STAU1: variants seen among roughly 807,000 people sequenced by gnomAD.
STAU1 encodes staufen double-stranded RNA binding protein 1.
STAU1 carries 13 observed loss-of-function variants against 62.9 expected under a neutral mutation model. The ratio of observed to expected loss-of-function variants is 0.21; its 90% CI spans 0.13 to 0.33. The LOEUF (loss-of-function observed/expected upper bound fraction) is 0.33. STAU1 is among the 10% of genes least tolerant of loss of function. The pLI is 1.00. For synonymous variants in STAU1, 269 were observed against 265.1 expected (o/e 1.01, Z -0.14); for missense variants, 571 against 712.1 (o/e 0.80, Z 2.25).
rs115262816 is a variant in STAU1 at position 49,137,205 on chromosome 20, C to T, written c.511-1274G>A. Among the ~76,000 whole-genome samples the T allele has an allele frequency of 5.7e-3, 862 of 152,166 alleles. 8 individuals are homozygous for T. The highest frequency in any genetic ancestry group is 0.019 in the African/African-American group (772 of 41,510). On this transcript the variant is annotated intron_variant, in intron 5 of 13. Transcript: ENST00000371856. Reference sequence around the variant, plus strand: ...AAAAATAAAGAAATAAATAAGGATGCGATGAAACACATTACAAAACTGCCA... The same window carrying T: ...AAAAATAAAGAAATAAATAAGGATGTGATGAAACACATTACAAAACTGCCA...
intron 3 of STAU1, among the ~76,000 whole-genome samples, chr20:49,162,865 A>G (rs1325453262): frequency 2.0e-5 from 3 of 151,888 alleles, no homozygotes; most frequent in Non-Finnish European, 4.4e-5. Context: ...AGGGGATGAA[A>G]AGACTTTGTT....
At chr20:49,134,845 C>A (rs747307120) in intron 6 of STAU1, 11 of 1,551,026 alleles carry the variant, frequency 7.1e-6, no homozygotes, top group African/African-American at 1.4e-5. Context: ...AACCTGCAAA[C>A]AAACAGGAAG....
chr20:49,135,913 C>G lies in STAU1; in HGVS notation c.529G>C (p.Glu177Gln). 6.2e-7 allele frequency: 1 copy of G among 1,613,492 alleles called. No individual in the cohort carries two copies. Among genetic ancestry groups the G allele is most frequent in the East Asian group, 2.2e-5 (1 of 44,866 alleles). ...ERLEVNGRES[E>Q]EENLNKSEIS... Reference sequence around the variant, plus strand: ...TCAGATTTATTGAGATTTTCTTCTTCGGATTCTCTTCCATTCACCTGTAAG... The same window carrying G: ...TCAGATTTATTGAGATTTTCTTCTTGGGATTCTCTTCCATTCACCTGTAAG... Residue 177 changes from glutamate (E) to glutamine (Q), a missense_variant, in exon 6 of 14, where the codon GAA becomes CAA. Coordinates refer to ENST00000371856, the MANE Select transcript of STAU1 (RefSeq NM_017453.4).
chr20:49,117,193 T>C lies in STAU1; in HGVS notation c.1565A>G (p.Asn522Ser), dbSNP rs1362899312. Residue 522 changes from asparagine (N) to serine (S), a missense_variant, in exon 12 of 14, where the codon AAT (asparagine) becomes AGT (serine). By Grantham distance (46) the Asn-to-Ser change is conservative. Transcript: ENST00000371856. The surrounding 1 kb of genome is among the most constrained non-coding windows in gnomAD (Gnocchi z 4.6). ...NNKNEFVSLI[N>S]CSSQPPLISH... ...GATCAGAGGTGGCTGAGAGGAGCAA[T>C]TGATAAGAGATACAAATTCGTTCTT... 5.6e-6 allele frequency: 9 copies of C among 1,614,130 alleles called. No homozygotes were observed. Among genetic ancestry groups the C allele is most frequent in the East Asian group, 4.5e-5 (2 of 44,876 alleles).
At chr20:49,183,979 G>A (rs1361032506) in intron 1 of STAU1, among the ~76,000 whole-genome samples, 1 of 151,086 alleles carries the variant, frequency 6.6e-6, no homozygotes, top group African/African-American at 2.4e-5. Flanking sequence ...GCCCCGGCTG[G>A]AGTGCAATGG....
chr20:49,117,384 C>T lies in STAU1; in HGVS notation c.1510-136G>A. 2 of 1,093,050 alleles carry T rather than the reference C, an allele frequency of 1.8e-6. No individual in the cohort carries two copies. The highest frequency in any genetic ancestry group is 2.6e-6 in the Non-Finnish European group (2 of 756,622). The allele number at this position is 1,093,050 out of a possible 1,614,324, so 67.7% of individuals were successfully genotyped here. A position where few individuals can be genotyped will look rare whatever the true frequency, so the allele number is the denominator to read the frequency against. ...CAGCCCCACTGTGGCCATACTAACA[C>T]CTGCCCTGTCAGCCCAGAACCTTCC... On this transcript the variant is annotated intron_variant, in intron 11 of 13. Transcript: ENST00000371856. This position sits in a 1 kb window ranked among gnomAD's most constrained non-coding sequence, Gnocchi z 4.6.
the STAU1 span, among the ~76,000 whole-genome samples, chr20:49,207,375 G>T: frequency 1.3e-5 from 2 of 152,204 alleles, no homozygotes; most frequent in African/African-American, 4.8e-5. Context: ...AGTGGAGCAG[G>T]GTTAGTGGAA....
At position 49,129,666 on chromosome 20, in the gene STAU1, G is replaced by A. The variant is rs550831152; in HGVS notation, c.610-5079C>T. On this transcript the variant is annotated intron_variant, in intron 6 of 13. Transcript: ENST00000371856. ...TTTTTTTTTTTTTTGAGACAGTCTCGCCCTGTCGCCCAGGTTGGAGTGCAG... is the reference window on the plus strand; with the variant it reads ...TTTTTTTTTTTTTTGAGACAGTCTCACCCTGTCGCCCAGGTTGGAGTGCAG... Among the ~76,000 whole-genome samples the A allele has an allele frequency of 3.1e-4, 36 of 116,400 alleles. No homozygotes were observed. The Middle Eastern group carries it at 0.019, about 63-fold the overall frequency. 76.4% of individuals were successfully genotyped at this position (116,400 alleles called of 152,430 possible). A position where few individuals can be genotyped will look rare whatever the true frequency, so the allele number is the denominator to read the frequency against.
chr20:49,115,805 T>C lies in STAU1; in HGVS notation c.1695A>G (p.Arg565=), dbSNP rs1393764047. The C allele has an allele frequency of 6.2e-7, 1 of 1,614,002 alleles. No homozygotes were observed. The highest frequency in any genetic ancestry group is 1.3e-5 in the African/African-American group (1 of 74,926). Residue 565 remains arginine (R), a synonymous_variant, in exon 13 of 14, where the codon AGA becomes AGG. Coordinates refer to ENST00000371856, the MANE Select transcript of STAU1 (RefSeq NM_017453.4). ...ELDQQSTEMP[R]TGNGPMSVCG... ...ACACAGACATTGGTCCGTTTCCTGT[T>C]CTTGGCATCTCTGTACTTTGTTGGT...
intron 1 of STAU1, among the ~76,000 whole-genome samples, chr20:49,185,918 G>A (rs2093780919): frequency 6.6e-6 from 1 of 151,648 alleles, no homozygotes; most frequent in African/African-American, 2.4e-5. Context: ...CTGTCGCCCA[G>A]GCAACCTCCA....
intron 6 of STAU1, among the ~76,000 whole-genome samples, chr20:49,132,371 G>C (rs1354708268): frequency 6.6e-6 from 1 of 152,176 alleles, no homozygotes; most frequent in Non-Finnish European, 1.5e-5. Flanking sequence ...AGGATCACCT[G>C]GATTGCATGT....
chr20:49,215,444 A>C, the STAU1 span, among the ~76,000 whole-genome samples: 1 of 152,184 alleles, frequency 6.6e-6, no homozygotes, highest in African/African-American at 2.4e-5. Context: ...TAAAATGGGG[A>C]TATAACAGCA....
At chr20:49,134,330 C>A (rs1394607208) in intron 6 of STAU1, 1 of 388,192 alleles carries the variant, frequency 2.6e-6, no homozygotes, top group African/African-American at 2.1e-5. Flanking sequence ...ACTCAGGAGG[C>A]TGAGGCAGGA....
At chr20:49,174,066 C>T (rs2146491035) in intron 2 of STAU1, 129 bp downstream of exon 2, 1 of 152,284 alleles carries the variant, frequency 6.6e-6, no homozygotes, top group South Asian at 2.1e-4. Context: ...GAAATTCAAA[C>T]TGCATAAAAT....
chr20:49,124,706 A>C lies in STAU1; in HGVS notation c.610-119T>G, dbSNP rs1440792551. 8 of 964,830 alleles carry C rather than the reference A, an allele frequency of 8.3e-6. No individual in the cohort carries two copies. In the Admixed American group the frequency reaches 8.4e-5, roughly 10 times the overall value. The allele number at this position is 964,830 out of a possible 1,614,324, so 59.8% of individuals were successfully genotyped here. A position where few individuals can be genotyped will look rare whatever the true frequency, so the allele number is the denominator to read the frequency against. ...AGGGGAACCAAGGACAAGACCTACT[A>C]AATGAAAGGAAGCGGGGATCATTTC... On this transcript the variant is annotated intron_variant, in intron 6 of 13. Coordinates refer to ENST00000371856, the MANE Select transcript of STAU1 (RefSeq NM_017453.4).
At chr20:49,164,656 T>C (rs1217078029) in intron 3 of STAU1, among the ~76,000 whole-genome samples, 2 of 151,764 alleles carry the variant, frequency 1.3e-5, no homozygotes, top group African/African-American at 4.8e-5. Flanking sequence ...AATCCAGCTA[T>C]TCAGGAGGCT....
At position 49,151,729 on chromosome 20, in the gene STAU1, T is replaced by G. The variant is rs747591847; in HGVS notation, c.363A>C (p.Pro121=). ...AYPPRYFYPF[P]VPPLLYQVEL... Reference sequence around the variant, plus strand: ...CCACTTGATAAAGTAAAGGTGGAACTGGAAATGGGTAAAAGTACCTAGAAA... The same window carrying G: ...CCACTTGATAAAGTAAAGGTGGAACGGGAAATGGGTAAAAGTACCTAGAAA... Residue 121 remains proline (P), a synonymous_variant, in exon 5 of 14, where the codon CCA becomes CCC. Transcript: ENST00000371856. 6.2e-7 allele frequency: 1 copy of G among 1,609,444 alleles called. No homozygotes were observed. The highest frequency in any genetic ancestry group is 1.7e-5 in the Admixed American group (1 of 58,646).
chr20:49,134,434 G>GAAAAAAAAAAAAAAAAACAAAAA (rs3091730), intron 6 of STAU1: 1 of 361,966 alleles, frequency 2.8e-6, no homozygotes, highest in Admixed American at 3.7e-5. Context: ...TCATCTCAGG[G>GAAAAAAAAAAAAAAAAACAAAAA]AAAAAAAAAA....
chr20:49,116,112 G>A (rs1270811288), intron 12 of STAU1, among the ~76,000 whole-genome samples: 3 of 152,064 alleles, frequency 2.0e-5, no homozygotes, highest in African/African-American at 7.3e-5. Context: ...TTTTAACCAT[G>A]TGGTAACCAG....
Sources: allele counts gnomAD v4.1 joint callset (sites outside exome capture counted in the v4.1 genomes callset), GRCh38; gene constraint gnomAD v4.1.1; non-coding constraint Gnocchi (gnomAD v3.1); transcripts MANE v1.5; gene names NCBI Gene and HGNC (gene_info 2026-07-23, HGNC 2026-07-21).